Variants in RBM17 observed in about 807,000 individuals in gnomAD.
RBM17 encodes splicing factor 45.
Under a neutral mutation model 53.2 loss-of-function variants are expected in RBM17, and 7 were observed. The observed-to-expected ratio is 0.13, with a 90% confidence interval of 0.07 to 0.25. RBM17 has a LOEUF of 0.25. RBM17 is among the 10% of genes least tolerant of loss of function. The pLI is 1.00. For synonymous variants in RBM17, 167 were observed against 178.1 expected (o/e 0.94, Z 0.50); for missense variants, 257 against 496.7 (o/e 0.52, Z 4.59).
At chr10:6,094,247 G>A (rs948298173) in intron 1 of RBM17, among the ~76,000 whole-genome samples, 3 of 152,112 alleles carry the variant, frequency 2.0e-5, no homozygotes. Context: ...CAAAGTGCTG[G>A]TATTAGAGGT....
chr10:6,095,298 C>T lies in RBM17; in HGVS notation c.-18-1750C>T, dbSNP rs187650408. ...TGTGATCTTGGCTCACTGCAACATC[C>T]ATCTCCCGGGTTCAGGCGATTATCA... On this transcript the variant is annotated intron_variant, in intron 1 of 11. Coordinates refer to ENST00000379888, the MANE Select transcript of RBM17 (RefSeq NM_032905.5). Among the ~76,000 whole-genome samples, 330 of 152,172 alleles carry T rather than the reference C, an allele frequency of 2.2e-3. 2 individuals are homozygous for T. In the Middle Eastern group the frequency reaches 0.044, roughly 20 times the overall value.
intron 5 of RBM17, among the ~76,000 whole-genome samples, chr10:6,107,950 G>A (rs755027715): frequency 1.3e-4 from 20 of 152,028 alleles, no homozygotes; most frequent in Non-Finnish European, 2.6e-4. Context: ...TATGCCTAAT[G>A]CAAAATTCCT....
rs1840799759 is a variant in RBM17 at position 6,109,115 on chromosome 10, G to A, written c.562+373G>A. 2.7e-5 allele frequency among the ~76,000 whole-genome samples: 4 copies of A among 146,452 alleles called. No homozygotes were observed. In the South Asian group the frequency reaches 8.9e-4, roughly 33 times the overall value. On this transcript the variant is annotated intron_variant, in intron 6 of 11. Coordinates refer to ENST00000379888, the MANE Select transcript of RBM17 (RefSeq NM_032905.5). ...TATATTCATGATCCTCCACAAGGTG[G>A]CAATGCCTTCCTTGATTAGATTTTT...
At chr10:6,109,813 T>C (rs996755622) in intron 6 of RBM17, among the ~76,000 whole-genome samples, 173 bp from the exon 7 acceptor site, 2 of 152,190 alleles carry the variant, frequency 1.3e-5, no homozygotes, top group African/African-American at 4.8e-5. Flanking sequence ...GTCCTCCCTC[T>C]GTGGTTTTAA....
At chr10:6,104,347 A>T (rs1325251832) in intron 3 of RBM17, among the ~76,000 whole-genome samples, 2 of 152,254 alleles carry the variant, frequency 1.3e-5, no homozygotes, top group Non-Finnish European at 2.9e-5. Context: ...AAAAATTATG[A>T]TGCTGGAAGG....
chr10:6,112,145 A>G lies in RBM17; in HGVS notation c.705-65A>G, dbSNP rs920457189. 1 of 1,560,272 alleles carries G rather than the reference A, an allele frequency of 6.4e-7. No individual in the cohort carries two copies. Among genetic ancestry groups the G allele is most frequent in the South Asian group, 1.2e-5 (1 of 85,812 alleles). Reference sequence around the variant, plus strand: ...CCAGAAGGAGGTTGTTGTGATGGAAAAATGCAACCTATCTCCAGTTGACGA... The same window carrying G: ...CCAGAAGGAGGTTGTTGTGATGGAAGAATGCAACCTATCTCCAGTTGACGA... On this transcript the variant is annotated intron_variant, in intron 7 of 11. Transcript: ENST00000379888. This position sits in a 1 kb window ranked among gnomAD's most constrained non-coding sequence, Gnocchi z 4.4.
intron 7 of RBM17, 94 bp downstream of exon 7, chr10:6,110,221 A>C: frequency 8.5e-7 from 1 of 1,180,246 alleles, no homozygotes; most frequent in Non-Finnish European, 1.2e-6. Context: ...AACTGAGGAC[A>C]TTCAGGACCC....
At chr10:6,101,521 T>G (rs1840669647) in intron 3 of RBM17, 134 bp downstream of exon 3, 1 of 443,838 alleles carries the variant, frequency 2.3e-6, no homozygotes. Flanking sequence ...TTCCACCTAA[T>G]TTTTACTTCT....
intron 1 of RBM17, among the ~76,000 whole-genome samples, chr10:6,095,878 G>T (rs1201640502): frequency 1.3e-5 from 2 of 152,170 alleles, no homozygotes; most frequent in Non-Finnish European, 2.9e-5. Flanking sequence ...AGAAGTAAGA[G>T]TACCTTCAAG....
chr10:6,106,328 T>C, intron 5 of RBM17, 90 bp downstream of exon 5: 2 of 824,852 alleles, frequency 2.4e-6, no homozygotes, highest in Non-Finnish European at 3.9e-6. Flanking sequence ...TGATAAATAG[T>C]TCATTTGACA....
At chr10:6,093,185 A>G (rs1840514637) in intron 1 of RBM17, among the ~76,000 whole-genome samples, 1 of 151,994 alleles carries the variant, frequency 6.6e-6, no homozygotes, top group Admixed American at 6.6e-5. Context: ...TCCTTCCCTT[A>G]TTCCCCAGTG....
At chr10:6,090,959 C>G (rs1044853244) in intron 1 of RBM17, among the ~76,000 whole-genome samples, 3 of 147,174 alleles carry the variant, frequency 2.0e-5, no homozygotes, top group Admixed American at 6.9e-5. Flanking sequence ...CACCACCCCT[C>G]CTGTTCCTTT....
At chr10:6,108,460 A>G (rs768195425) in intron 5 of RBM17, 25 of 500,658 alleles carry the variant, frequency 5.0e-5, no homozygotes, top group Non-Finnish European at 8.6e-5. Flanking sequence ...AGTTCCTTTT[A>G]TGAAGGAACA....
Position 6,112,494 on chromosome 10 carries a change from G to A in RBM17, c.856+133G>A. The A allele has an allele frequency of 9.4e-7, 1 of 1,067,526 alleles. No individual in the cohort carries two copies. Among genetic ancestry groups the A allele is most frequent in the Non-Finnish European group, 1.4e-6 (1 of 711,178 alleles). The allele number at this position is 1,067,526 out of a possible 1,614,324, so 66.1% of individuals were successfully genotyped here. ...TGGCCAGAGGGAGAGGGCTGGCCCT[G>A]CCATCACTAGAACACAGGCCGTCCT... On this transcript the variant is annotated intron_variant, in intron 8 of 11. Coordinates refer to ENST00000379888, the MANE Select transcript of RBM17 (RefSeq NM_032905.5). The surrounding 1 kb of genome is among the most constrained non-coding windows in gnomAD (Gnocchi z 4.4).
intron 5 of RBM17, among the ~76,000 whole-genome samples, chr10:6,108,077 A>G (rs893844957): frequency 2.0e-5 from 3 of 152,176 alleles, no homozygotes; most frequent in South Asian, 4.1e-4. Flanking sequence ...CACCAGGAAT[A>G]GTGACAACAC....
Position 6,089,551 on chromosome 10 carries a change from A to T in RBM17, c.-19+358A>T, listed in dbSNP as rs1458877764. 6.5e-6 allele frequency: 1 copy of T among 152,812 alleles called. No individual in the cohort carries two copies. Among genetic ancestry groups the T allele is most frequent in the Non-Finnish European group, 1.5e-5 (1 of 68,432 alleles). The allele number at this position is 152,812 out of a possible 1,614,324, so 9.5% of individuals were successfully genotyped here. A position where few individuals can be genotyped will look rare whatever the true frequency, so the allele number is the denominator to read the frequency against. On this transcript the variant is annotated intron_variant, in intron 1 of 11. Coordinates refer to ENST00000379888, the MANE Select transcript of RBM17 (RefSeq NM_032905.5). The surrounding 1 kb of genome is among the most constrained non-coding windows in gnomAD (Gnocchi z 5.6). ...CCTGACGAAATTGTCTGGTCACCAGAACCGAGTAGCCCGTAGCGTGTCCCC... is the reference window on the plus strand; with the variant it reads ...CCTGACGAAATTGTCTGGTCACCAGTACCGAGTAGCCCGTAGCGTGTCCCC...
At position 6,115,276 on chromosome 10, in the gene RBM17, T is replaced by A; in HGVS notation, c.1067T>A (p.Phe356Tyr). ...CCTGATGATGAAGCAGTACGGATAT[T>A]TTTAGAATTTGAGAGAGTTGAATCA... The part of the protein sequence containing the change: ...GAPDDEAVRI[F>Y]LEFERVESAI... The change falls in exon 11 of 12, where the codon TTT becomes TAT. Residue 356 changes from phenylalanine to tyrosine, a missense_variant. Transcript: ENST00000379888. 1 of 1,613,912 alleles carries A rather than the reference T, an allele frequency of 6.2e-7. No homozygotes were observed. The highest frequency in any genetic ancestry group is 8.5e-7 in the Non-Finnish European group (1 of 1,179,854).
rs1340859909 is a variant in RBM17, at chr10:6,089,515, G to C, written c.-19+322G>C. On this transcript the variant is annotated intron_variant, in intron 1 of 11. Coordinates refer to ENST00000379888, the MANE Select transcript of RBM17 (RefSeq NM_032905.5). This position sits in a 1 kb window ranked among gnomAD's most constrained non-coding sequence, Gnocchi z 5.6. ...CTGAAGAGCGTTTCTTCTCCGTCTC[G>C]TGCACCGCATCCTGACGAAATTGTC... The C allele has an allele frequency of 6.5e-6, 1 of 152,958 alleles. No homozygotes were observed. The highest frequency in any genetic ancestry group is 1.5e-5 in the Non-Finnish European group (1 of 68,538). 9.5% of individuals were successfully genotyped at this position (152,958 alleles called of 1,614,324 possible).
intron 2 of RBM17, among the ~76,000 whole-genome samples, chr10:6,098,561 T>TTG (rs770479740): frequency 0.014 from 498 of 35,100 alleles, 48 homozygotes; most frequent in Non-Finnish European, 0.034. Context: ...CACAGGTTTT[T>TTG]TGTTTTTTTT....
Sources: gnomAD v4.1 joint callset for allele counts (sites outside exome capture counted in the v4.1 genomes callset) on GRCh38, gnomAD v4.1.1 for gene constraint, Gnocchi (gnomAD v3.1) non-coding constraint, MANE v1.5 for transcripts, NCBI Gene and HGNC (gene_info 2026-07-23, HGNC 2026-07-21) for gene names.